MBNL1: variants seen among roughly 807,000 people sequenced by gnomAD.
The protein encoded by MBNL1 is muscleblind-like protein 1.
In MBNL1, 8 loss-of-function variants were observed where a neutral mutation model predicts 42.2. That is an observed-to-expected ratio of 0.19 (90% CI 0.11 to 0.34). The LOEUF (loss-of-function observed/expected upper bound fraction) is 0.34. MBNL1 is among the 10% of genes least tolerant of loss of function. The pLI is 1.00. For missense variants in MBNL1, 309 were observed against 495.3 expected (o/e 0.62, Z 3.57); for synonymous variants, 169 against 173.9 (o/e 0.97, Z 0.22).
chr3:152,312,952 G>C (rs530182172), intron 2 of MBNL1, among the ~76,000 whole-genome samples: 8 of 151,958 alleles, frequency 5.3e-5, no homozygotes, highest in Non-Finnish European at 1.0e-4. Context: ...CCAGTGTCAC[G>C]TTTAGAATTT....
chr3:152,336,822 A>C (rs2090533033), intron 2 of MBNL1, among the ~76,000 whole-genome samples: 1 of 152,328 alleles, frequency 6.6e-6, no homozygotes, highest in East Asian at 1.9e-4. Context: ...GTCTCAAAGT[A>C]AAATAGACTA....
At chr3:152,257,588 G>C (rs2035628826) in intron 2 of MBNL1, among the ~76,000 whole-genome samples, 1 of 152,100 alleles carries the variant, frequency 6.6e-6, no homozygotes, top group Non-Finnish European at 1.5e-5. Context: ...TACTAAAATA[G>C]TACTTAGCAA....
At position 152,439,800 on chromosome 3, in the gene MBNL1, A is replaced by G. The variant is rs181757294; in HGVS notation, c.550-5482A>G. Among the ~76,000 whole-genome samples, 3 of 152,268 alleles carry G rather than the reference A, an allele frequency of 2.0e-5. No homozygotes were observed. In the East Asian group the frequency reaches 5.8e-4, roughly 29 times the overall value. On this transcript the variant is annotated intron_variant, in intron 4 of 9. Transcript: ENST00000324210. ...GAGGTTGAGGCTGCAGTGAACTGAG[A>G]TTGCACCACTGCACTCCAGACTGAG...
At chr3:152,315,383 C>T (rs1172006817) in intron 2 of MBNL1, among the ~76,000 whole-genome samples, 1 of 152,008 alleles carries the variant, frequency 6.6e-6, no homozygotes, top group African/African-American at 2.4e-5. Context: ...TCTGAAACTC[C>T]CTATTACTGG....
chr3:152,274,371 A>G (rs1576967154), intron 1 of MBNL1, among the ~76,000 whole-genome samples: 1 of 152,312 alleles, frequency 6.6e-6, no homozygotes, highest in East Asian at 1.9e-4. Context: ...CAAGATAGAT[A>G]TACGTTGTCC....
chr3:152,269,608 A>G, intron 1 of MBNL1: 1 of 434,454 alleles, frequency 2.3e-6, no homozygotes, highest in South Asian at 1.6e-5. Context: ...TACGCATGAC[A>G]TGTTTAGCTG....
intron 6 of MBNL1, among the ~76,000 whole-genome samples, chr3:152,448,565 C>T (rs1174741831): frequency 6.6e-6 from 1 of 152,028 alleles, no homozygotes; most frequent in Non-Finnish European, 1.5e-5. Context: ...TCTCACTTTC[C>T]TCTTTATTGC....
intron 3 of MBNL1, among the ~76,000 whole-genome samples, chr3:152,418,272 A>G (rs1342818806): frequency 6.6e-6 from 1 of 152,222 alleles, no homozygotes; most frequent in African/African-American, 2.4e-5. Flanking sequence ...GTGAGTAGCA[A>G]GGCTAGGATT....
chr3:152,262,765 A>G (rs1360498594), intron 2 of MBNL1: 2 of 152,254 alleles, frequency 1.3e-5, no homozygotes, highest in Admixed American at 1.3e-4. Flanking sequence ...TCTGGGCTAA[A>G]TAACAACACA....
intron 3 of MBNL1, among the ~76,000 whole-genome samples, chr3:152,418,344 A>G (rs1187565632): frequency 6.6e-6 from 1 of 150,912 alleles, no homozygotes; most frequent in Non-Finnish European, 1.5e-5. Flanking sequence ...GAGACACACC[A>G]CTGGCCAACT....
At chr3:152,340,733 G>A (rs762256382) in intron 2 of MBNL1, 20 of 1,613,886 alleles carry the variant, frequency 1.2e-5, no homozygotes, top group African/African-American at 6.7e-5. Flanking sequence ...TTTGGATTCC[G>A]TGATGGCTGA....
At chr3:152,380,039 T>C (rs1187887318) in intron 2 of MBNL1, among the ~76,000 whole-genome samples, 2 of 152,134 alleles carry the variant, frequency 1.3e-5, no homozygotes, top group Non-Finnish European at 2.9e-5. Flanking sequence ...TTCTTAAAGA[T>C]TGCTAGATAT....
intron 7 of MBNL1, 116 bp downstream of exon 7, chr3:152,455,693 T>TAACA (rs1244333516): frequency 4.6e-6 from 4 of 872,462 alleles, no homozygotes; most frequent in South Asian, 1.5e-5. Flanking sequence ...TCCCTTTTAC[T>TAACA]AACACTTGTC....
chr3:152,250,631 C>T (rs2034357308), intron 2 of MBNL1, among the ~76,000 whole-genome samples: 1 of 150,528 alleles, frequency 6.6e-6, no homozygotes, highest in Admixed American at 6.6e-5. Flanking sequence ...TGCCTAATTG[C>T]CCTGGCCAGA....
rs189962566 is a variant in MBNL1, at chr3:152,392,778, G to T, written c.175-22163G>T. Among the ~76,000 whole-genome samples, 25 of 152,232 alleles carry T rather than the reference G, an allele frequency of 1.6e-4. No individual in the cohort carries two copies. In the East Asian group the frequency reaches 4.6e-3, roughly 28 times the overall value. On this transcript the variant is annotated intron_variant, in intron 2 of 9. Transcript: ENST00000324210. ...TTCCATGTTCTGGCAATACAAACAC[G>T]TTCTTCTGAAAGGTAGCTACTCCCA...
chr3:152,289,190 T>C, intron 1 of MBNL1, among the ~76,000 whole-genome samples: 1 of 152,154 alleles, frequency 6.6e-6, no homozygotes, highest in Non-Finnish European at 1.5e-5. Flanking sequence ...TTATATGCAA[T>C]TTCAGCATTG....
At chr3:152,376,266 CTA>C (rs1280545897) in intron 2 of MBNL1, among the ~76,000 whole-genome samples, 1 of 152,058 alleles carries the variant, frequency 6.6e-6, no homozygotes, top group Non-Finnish European at 1.5e-5. Flanking sequence ...TGAGAAAAGA[CTA>C]TATTTTGTTA....
chr3:152,283,418 G>A (rs1309474369), intron 1 of MBNL1, among the ~76,000 whole-genome samples: 1 of 152,076 alleles, frequency 6.6e-6, no homozygotes, highest in African/African-American at 2.4e-5. Context: ...CAATTAGAAG[G>A]CAAAGAAATG....
At chr3:152,453,646 T>TA (rs374540450) in intron 6 of MBNL1, among the ~76,000 whole-genome samples, 4 of 152,204 alleles carry the variant, frequency 2.6e-5, no homozygotes, top group African/African-American at 9.6e-5. Flanking sequence ...ATTTGTGAGT[T>TA]ATTGCACCCT....
Sources: allele counts gnomAD v4.1 joint callset (sites outside exome capture counted in the v4.1 genomes callset), GRCh38; gene constraint gnomAD v4.1.1; transcripts MANE v1.5; gene names NCBI Gene and HGNC (gene_info 2026-07-23, HGNC 2026-07-21).